USP6NL: variants seen among roughly 807,000 people sequenced by gnomAD.
USP6NL encodes USP6 N-terminal like.
USP6NL carries 26 observed loss-of-function variants against 61.9 expected under a neutral mutation model. The observed-to-expected ratio is 0.42, with a 90% confidence interval of 0.31 to 0.58. The LOEUF is 0.58. Among genes scored for constraint, USP6NL ranks in the 20% least tolerant of loss-of-function variants. The probability of loss-of-function intolerance (pLI) is 0.16; values close to 1 mark genes in which losing one functional copy is unlikely to be tolerated. For missense variants in USP6NL, 1,114 were observed against 1,034.3 expected, an observed-to-expected ratio of 1.08 and a Z score of -1.06; for synonymous variants, 432 against 390.1, an observed-to-expected ratio of 1.11 and a Z score of -1.27.
At chr10:11,534,407 T>A (rs762149073) in intron 2 of USP6NL, among the ~76,000 whole-genome samples, 1 of 152,246 alleles carries the variant, frequency 6.6e-6, no homozygotes, top group Non-Finnish European at 1.5e-5. Flanking sequence ...TCCGTAACAT[T>A]GCCGCAGGCC....
At chr10:11,466,483 A>C (rs1310934719) in intron 14 of USP6NL, among the ~76,000 whole-genome samples, 1 of 152,230 alleles carries the variant, frequency 6.6e-6, no homozygotes, top group Non-Finnish European at 1.5e-5. Context: ...TGAACTTGGG[A>C]GTCTCAGAAT....
chr10:11,534,631 G>A (rs1440427641), intron 2 of USP6NL, among the ~76,000 whole-genome samples: 1 of 152,180 alleles, frequency 6.6e-6, no homozygotes, highest in Non-Finnish European at 1.5e-5. Context: ...AATTAACAGA[G>A]TGAGAAAAGT....
Position 11,493,207 on chromosome 10 carries a change from C to T in USP6NL, c.406G>A (p.Gly136Ser). The change falls in exon 8 of 15, where the codon GGC (glycine) becomes AGC (serine). Residue 136 changes from glycine to serine, a missense_variant. Coordinates refer to ENST00000609104, the MANE Select transcript of USP6NL (RefSeq NM_014688.5). ...ATTTGTCTGATGTCAGGTGAACAGC[C>T]CCGTGCTCTGTGTTTTAATTTCTGA... ...LYSKLKHRARGCSPDIRQIDL... is the reference protein window; with the variant it reads ...LYSKLKHRARSCSPDIRQIDL... 1 of 1,610,814 alleles carries T rather than the reference C, an allele frequency of 6.2e-7. No homozygotes were observed. Among genetic ancestry groups the T allele is most frequent in the Non-Finnish European group, 8.5e-7 (1 of 1,178,398 alleles).
rs1323664671 is a variant in USP6NL at position 11,510,831 on chromosome 10, T to C, written c.196-1156A>G. Reference sequence around the variant, plus strand: ...GACTTGTCCCAAGTCACCCCTCTCATAAGTGGTAGAAGACGGATTCAAAGC... The same window carrying C: ...GACTTGTCCCAAGTCACCCCTCTCACAAGTGGTAGAAGACGGATTCAAAGC... On this transcript the variant is annotated intron_variant, in intron 5 of 14. Transcript: ENST00000609104. The surrounding 1 kb of genome is among the most constrained non-coding windows in gnomAD (Gnocchi z 4.8). 6.6e-6 allele frequency among the ~76,000 whole-genome samples: 1 copy of C among 152,214 alleles called. No individual in the cohort carries two copies. The highest frequency in any genetic ancestry group is 1.5e-5 in the Non-Finnish European group (1 of 68,022).
At chr10:11,480,776 C>T (rs1158684960) in intron 14 of USP6NL, among the ~76,000 whole-genome samples, 3 of 152,254 alleles carry the variant, frequency 2.0e-5, no homozygotes, top group Non-Finnish European at 4.4e-5. Context: ...ACGCCAAATT[C>T]ACCTCTGCAT....
rs767501745 is a variant in USP6NL at position 11,463,656 on chromosome 10, C to T, written c.1272G>A (p.Thr424=). The change falls in exon 15 of 15, where the codon ACG becomes ACA. Residue 424 remains threonine, a synonymous_variant. Transcript: ENST00000609104. This position sits in a 1 kb window ranked among gnomAD's most constrained non-coding sequence, Gnocchi z 6.3. ...GTCTTGGCGGCTGTGCTCTCTCGGG[C>T]GTCCCGGTCCTGCTCTGGGGGTGCG... ...HSPHPQSRTG[T]PERAQPPRRK... The T allele has an allele frequency of 8.7e-6, 14 of 1,613,978 alleles. No individual in the cohort carries two copies. Among genetic ancestry groups the T allele is most frequent in the East Asian group, 4.5e-5 (2 of 44,870 alleles).
rs983843382 is a variant in USP6NL at position 11,470,965 on chromosome 10, C to T, written c.1079-7116G>A. 6.6e-6 allele frequency among the ~76,000 whole-genome samples: 1 copy of T among 152,112 alleles called. No individual in the cohort carries two copies. Among genetic ancestry groups the T allele is most frequent in the African/African-American group, 2.4e-5 (1 of 41,444 alleles). The stretch of plus-strand genomic sequence containing the variant: ...CTTTGGGAGGCCGAGGTGGGCGGAT[C>T]ACGAGGTCAGGAGATGGAGACCATC... On this transcript the variant is annotated intron_variant, in intron 14 of 14. Coordinates refer to ENST00000609104, the MANE Select transcript of USP6NL (RefSeq NM_014688.5). The surrounding 1 kb of genome is among the most constrained non-coding windows in gnomAD (Gnocchi z 5.4).
chr10:11,546,022 T>C (rs1479494828), intron 2 of USP6NL, among the ~76,000 whole-genome samples: 1 of 152,216 alleles, frequency 6.6e-6, no homozygotes, highest in Non-Finnish European at 1.5e-5. Context: ...TTACTTTAAT[T>C]GACGATTTTT....
intron 1 of USP6NL, among the ~76,000 whole-genome samples, chr10:11,599,826 A>AT (rs545013987): frequency 6.6e-6 from 1 of 151,006 alleles, no homozygotes; most frequent in South Asian, 2.1e-4. Flanking sequence ...CGCCCGGCTA[A>AT]TTTTTTGTAT....
chr10:11,600,233 C>CAG lies in USP6NL; in HGVS notation c.-83-2517_-83-2516insCT, dbSNP rs1382393390. 2.0e-5 allele frequency among the ~76,000 whole-genome samples: 3 copies of CAG among 152,200 alleles called. No individual in the cohort carries two copies. The highest frequency in any genetic ancestry group is 7.2e-5 in the African/African-American group (3 of 41,450). On this transcript the variant is annotated intron_variant, in intron 1 of 14. Coordinates refer to ENST00000609104, the MANE Select transcript of USP6NL (RefSeq NM_014688.5). The surrounding 1 kb of genome is among the most constrained non-coding windows in gnomAD (Gnocchi z 4.1). ...CCTTTCATCTCATTTTCCAGGTACT[C>CAG]TAAGTCTAAGGGCGTGGCCATATGA...
In USP6NL at chr10:11,575,652, T is replaced by C. The variant is rs898224462; in HGVS notation, c.4+21979A>G. ...TCACATAGCAATCACTTTGAACACA[T>C]TGGTTCACTACTGTCAATGCTTAGC... On this transcript the variant is annotated intron_variant, in intron 2 of 14. Coordinates refer to ENST00000609104, the MANE Select transcript of USP6NL (RefSeq NM_014688.5). The surrounding 1 kb of genome is among the most constrained non-coding windows in gnomAD (Gnocchi z 4.2). Among the ~76,000 whole-genome samples, 4 of 152,216 alleles carry C rather than the reference T, an allele frequency of 2.6e-5. No homozygotes were observed. Among genetic ancestry groups the C allele is most frequent in the Admixed American group, 6.5e-5 (1 of 15,290 alleles).
At position 11,577,748 on chromosome 10, in the gene USP6NL, G is replaced by C. The variant is rs190964114; in HGVS notation, c.4+19883C>G. The stretch of plus-strand genomic sequence containing the variant: ...ACTCCTGACCTCAGGTGACCCGCCT[G>C]CCTCGGCCCCCCAAAGTACTGGGAT... On this transcript the variant is annotated intron_variant, in intron 2 of 14. Coordinates refer to ENST00000609104, the MANE Select transcript of USP6NL (RefSeq NM_014688.5). Among the ~76,000 whole-genome samples the C allele has an allele frequency of 1.3e-4, 19 of 151,678 alleles. No homozygotes were observed. In the East Asian group the frequency reaches 3.7e-3, roughly 30 times the overall value.
intron 5 of USP6NL, among the ~76,000 whole-genome samples, chr10:11,516,466 A>C (rs750503066): frequency 5.3e-5 from 8 of 152,246 alleles, no homozygotes; most frequent in Non-Finnish European, 1.2e-4. Flanking sequence ...CAGTCACCAC[A>C]GAACACAAGA....
Position 11,462,149 on chromosome 10 carries a change from G to T in USP6NL, c.*292C>A, listed in dbSNP as rs2096216739. On this transcript the variant is annotated 3_prime_UTR_variant, in exon 15 of 15. Transcript: ENST00000609104. ...AGAGTAAAAATGTTCAGGTTTTGGA[G>T]AAAAACATAACCGGAACTGAGTAAT... is the stretch of plus-strand genomic sequence containing the variant. The T allele has an allele frequency of 2.9e-6, 1 of 340,240 alleles. No homozygotes were observed. 21.1% of individuals were successfully genotyped at this position (340,240 alleles called of 1,614,324 possible).
intron 1 of USP6NL, among the ~76,000 whole-genome samples, chr10:11,605,905 C>G (rs1838691848): frequency 6.6e-6 from 1 of 152,108 alleles, no homozygotes; most frequent in Admixed American, 6.6e-5. Context: ...CATTGTATAA[C>G]TGAGCTCCCA....
At position 11,462,906 on chromosome 10, in the gene USP6NL, A is replaced by G. The variant is rs1566107067; in HGVS notation, c.2022T>C (p.Thr674=). 7 of 1,613,522 alleles carry G rather than the reference A, an allele frequency of 4.3e-6. No individual in the cohort carries two copies. The highest frequency in any genetic ancestry group is 3.3e-5 in the Admixed American group (2 of 59,956). The part of the protein sequence containing the change: ...LNPSRRPHGS[T]LSVSASPEKS... ...TCTCCGGAGAAGCACTGACGGAAAGAGTAGAACCATGAGGTCTCCTGGAAG... is the reference window on the plus strand; with the variant it reads ...TCTCCGGAGAAGCACTGACGGAAAGGGTAGAACCATGAGGTCTCCTGGAAG... The change falls in exon 15 of 15, where the codon ACT becomes ACC. Residue 674 remains threonine (T), a synonymous_variant. Coordinates refer to ENST00000609104, the MANE Select transcript of USP6NL (RefSeq NM_014688.5).
intron 2 of USP6NL, among the ~76,000 whole-genome samples, chr10:11,544,345 C>CT (rs770589170): frequency 3.8e-4 from 58 of 152,286 alleles, no homozygotes; most frequent in South Asian, 1.5e-3. Flanking sequence ...TCCAAGGAGA[C>CT]TGACTATAAA....
intron 2 of USP6NL, among the ~76,000 whole-genome samples, chr10:11,581,723 T>C (rs947857161): frequency 6.6e-6 from 1 of 152,264 alleles, no homozygotes; most frequent in Non-Finnish European, 1.5e-5. Flanking sequence ...AATCAGTTAA[T>C]AGACTTCATT....
Position 11,468,770 on chromosome 10 carries a change from A to G in USP6NL, c.1079-4921T>C, listed in dbSNP as rs1257576930. 6.6e-6 allele frequency among the ~76,000 whole-genome samples: 1 copy of G among 152,362 alleles called. No individual in the cohort carries two copies. Among genetic ancestry groups the G allele is most frequent in the Admixed American group, 6.5e-5 (1 of 15,304 alleles). ...AATCCTTTAGCCACAGAGGAGGCAC[A>G]TATCAGTAAAGACTGAGCTGGACAC... is the stretch of plus-strand genomic sequence containing the variant. On this transcript the variant is annotated intron_variant, in intron 14 of 14. Transcript: ENST00000609104. This position sits in a 1 kb window ranked among gnomAD's most constrained non-coding sequence, Gnocchi z 4.5.
Sources: gnomAD v4.1 joint callset for allele counts (sites outside exome capture counted in the v4.1 genomes callset) on GRCh38, gnomAD v4.1.1 for gene constraint, Gnocchi (gnomAD v3.1) non-coding constraint, MANE v1.5 for transcripts, NCBI Gene and HGNC (gene_info 2026-07-23, HGNC 2026-07-21) for gene names.